The following CAMK4 variants were observed in gnomAD, a reference collection of about 807,000 sequenced individuals.
CAMK4 encodes calcium/calmodulin dependent protein kinase IV.
A neutral mutation model predicts 44.9 loss-of-function variants in CAMK4; 22 were observed. That is an observed-to-expected ratio of 0.49 (90% CI 0.35 to 0.70). CAMK4 has a LOEUF of 0.70. CAMK4 is among the 30% of genes least tolerant of loss of function. The pLI is 0.01. For synonymous variants in CAMK4, 218 were observed against 215.4 expected (o/e 1.01, Z -0.11); for missense variants, 498 against 586.8 (o/e 0.85, Z 1.56).
rs866039390 is a variant in CAMK4, at chr5:111,232,571, C to T, written c.161+7927C>T. On this transcript the variant is annotated intron_variant, in intron 1 of 10. Coordinates refer to ENST00000282356, the MANE Select transcript of CAMK4 (RefSeq NM_001744.6). ...AAGTTGATGTCAGACCAAAGACAAC[C>T]TGTTTAAAAAAAACAAAAAGAGTAG... 2.6e-5 allele frequency among the ~76,000 whole-genome samples: 4 copies of T among 152,008 alleles called. No homozygotes were observed. The South Asian group carries it at 8.3e-4, about 32-fold the overall frequency.
chr5:111,362,513 A>G (rs984562055), intron 2 of CAMK4, among the ~76,000 whole-genome samples: 4 of 152,042 alleles, frequency 2.6e-5, no homozygotes, highest in African/African-American at 9.7e-5. Flanking sequence ...ATCTGAAAAC[A>G]AATAAACCAA....
intron 1 of CAMK4, among the ~76,000 whole-genome samples, chr5:111,264,992 C>G (rs1034694842): frequency 3.3e-5 from 5 of 152,162 alleles, no homozygotes; most frequent in South Asian, 4.2e-4. Flanking sequence ...ATCCAATATA[C>G]GGTTAGTCCC....
intron 5 of CAMK4, among the ~76,000 whole-genome samples, chr5:111,441,097 C>T (rs1404386328): frequency 6.6e-6 from 1 of 152,092 alleles, no homozygotes; most frequent in African/African-American, 2.4e-5. Context: ...GCATATTACC[C>T]CAAAGCACCA....
intron 2 of CAMK4, among the ~76,000 whole-genome samples, chr5:111,345,229 C>A (rs1749817912): frequency 6.6e-6 from 1 of 151,736 alleles, no homozygotes; most frequent in Non-Finnish European, 1.5e-5. Context: ...ACAGTCATAG[C>A]AAAATAACAA....
intron 2 of CAMK4, among the ~76,000 whole-genome samples, chr5:111,348,375 G>C (rs984614303): frequency 2.6e-5 from 4 of 151,966 alleles, no homozygotes; most frequent in Admixed American, 2.6e-4. Context: ...TCAGGTGCAG[G>C]ACAGAGTCAA....
intron 5 of CAMK4, among the ~76,000 whole-genome samples, chr5:111,432,927 C>A (rs1753509656): frequency 6.6e-6 from 1 of 152,034 alleles, no homozygotes. Flanking sequence ...TAAGACAAAT[C>A]CTGCTTTCAA....
At chr5:111,384,361 T>C (rs1465191121) in intron 4 of CAMK4, among the ~76,000 whole-genome samples, 1 of 152,192 alleles carries the variant, frequency 6.6e-6, no homozygotes, top group Admixed American at 6.5e-5. Context: ...TCCCTCTTGA[T>C]CTCTTTCCTG....
At chr5:111,417,855 A>G (rs1752870110) in intron 5 of CAMK4, among the ~76,000 whole-genome samples, 1 of 152,152 alleles carries the variant, frequency 6.6e-6, no homozygotes, top group Non-Finnish European at 1.5e-5. Flanking sequence ...CTGACTTCTG[A>G]TATCTTTTAC....
chr5:111,425,302 C>A (rs1279637151), intron 5 of CAMK4, among the ~76,000 whole-genome samples: 1 of 152,084 alleles, frequency 6.6e-6, no homozygotes, highest in Non-Finnish European at 1.5e-5. Flanking sequence ...CACATTTGTG[C>A]CAGTTTTGTG....
intron 4 of CAMK4, among the ~76,000 whole-genome samples, chr5:111,392,494 T>A (rs1751838585): frequency 6.6e-6 from 1 of 152,030 alleles, no homozygotes; most frequent in South Asian, 2.1e-4. Flanking sequence ...ATCAGCTGGT[T>A]AATGTCAGTA....
At chr5:111,312,441 G>A (rs1230941376) in intron 1 of CAMK4, among the ~76,000 whole-genome samples, 2 of 152,188 alleles carry the variant, frequency 1.3e-5, no homozygotes, top group Admixed American at 1.3e-4. Context: ...GATAATGCCT[G>A]TGAGGAGTAT....
chr5:111,457,986 C>A (rs1295670245), intron 7 of CAMK4, among the ~76,000 whole-genome samples: 1 of 152,158 alleles, frequency 6.6e-6, no homozygotes, highest in Admixed American at 6.5e-5. Flanking sequence ...TTGACCGGCT[C>A]GTGTGCTGCA....
chr5:111,433,288 C>T (rs1753527877), intron 5 of CAMK4, among the ~76,000 whole-genome samples: 1 of 152,190 alleles, frequency 6.6e-6, no homozygotes, highest in Admixed American at 6.5e-5. Context: ...GAGTTGTATT[C>T]ATTCACACAT....
intron 5 of CAMK4, among the ~76,000 whole-genome samples, chr5:111,420,207 T>C (rs969094180): frequency 6.6e-6 from 1 of 152,092 alleles, no homozygotes; most frequent in African/African-American, 2.4e-5. Flanking sequence ...TTGAAGCAAT[T>C]GTGAATGGGA....
At chr5:111,391,731 G>T (rs770891420) in intron 4 of CAMK4, among the ~76,000 whole-genome samples, 1 of 152,022 alleles carries the variant, frequency 6.6e-6, no homozygotes, top group Non-Finnish European at 1.5e-5. Context: ...AATAATGAAA[G>T]CACTCTAAAT....
chr5:111,269,442 A>C (rs1047684342), intron 1 of CAMK4, among the ~76,000 whole-genome samples: 2 of 152,142 alleles, frequency 1.3e-5, no homozygotes, highest in African/African-American at 4.8e-5. Context: ...AACTCTTAGC[A>C]GGAGAAATAG....
intron 1 of CAMK4, among the ~76,000 whole-genome samples, chr5:111,267,450 C>T (rs1750299056): frequency 6.6e-6 from 1 of 152,164 alleles, no homozygotes; most frequent in Admixed American, 6.5e-5. Flanking sequence ...GGCGCGGTGG[C>T]TCACGCCTGT....
intron 5 of CAMK4, among the ~76,000 whole-genome samples, chr5:111,425,335 C>T (rs1477057043): frequency 6.6e-6 from 1 of 152,140 alleles, no homozygotes; most frequent in Non-Finnish European, 1.5e-5. Context: ...ATAGTGCAGC[C>T]CCCATGGGCT....
At chr5:111,430,486 TA>T in intron 5 of CAMK4, among the ~76,000 whole-genome samples, 1 of 152,170 alleles carries the variant, frequency 6.6e-6, no homozygotes, top group Non-Finnish European at 1.5e-5. Context: ...GAGAAAGATA[TA>T]AAGCGTATCC....
Sources: gnomAD v4.1 joint callset for allele counts (sites outside exome capture counted in the v4.1 genomes callset) on GRCh38, gnomAD v4.1.1 for gene constraint, MANE v1.5 for transcripts, NCBI Gene and HGNC (gene_info 2026-07-23, HGNC 2026-07-21) for gene names.